RBFOX1: variants seen among roughly 807,000 people sequenced by gnomAD.
RBFOX1 encodes RNA binding fox-1 homolog 1, also known as RNA binding protein fox-1 homolog 1.
Under a neutral mutation model 57.7 loss-of-function variants are expected in RBFOX1, and 8 were observed. The observed-to-expected ratio is 0.14, with a 90% CI of 0.08 to 0.25. The LOEUF (loss-of-function observed/expected upper bound fraction) is 0.25. Among genes scored for constraint, RBFOX1 ranks in the 10% least tolerant of loss-of-function variants. RBFOX1 has a pLI of 1.00. For synonymous variants in RBFOX1, 326 were observed against 222.4 expected (o/e 1.47, Z -4.15); for missense variants, 611 against 548.5 (o/e 1.11, Z -1.14).
chr16:6,903,159 A>C (rs1243186045), intron 3 of RBFOX1, among the ~76,000 whole-genome samples: 2 of 152,148 alleles, frequency 1.3e-5, no homozygotes, highest in Non-Finnish European at 2.9e-5. Context: ...GAAGAAGGGG[A>C]GGAGCCTTTC....
chr16:7,266,771 G>GA (rs138797170), intron 4 of RBFOX1, among the ~76,000 whole-genome samples: 11 of 151,888 alleles, frequency 7.2e-5, no homozygotes, highest in African/African-American at 1.2e-4. Context: ...GCTACAAAGG[G>GA]AAAAAAAATA....
intron 3 of RBFOX1, among the ~76,000 whole-genome samples, chr16:6,999,544 A>C (rs569983294): frequency 2.2e-4 from 33 of 152,186 alleles, no homozygotes; most frequent in African/African-American, 7.7e-4. Context: ...ATTTCAAAAA[A>C]ACACAAAAGT....
At chr16:7,035,312 G>A (rs540291996) in intron 3 of RBFOX1, among the ~76,000 whole-genome samples, 1 of 152,184 alleles carries the variant, frequency 6.6e-6, no homozygotes, top group South Asian at 2.1e-4. Context: ...ATTTGACTGT[G>A]GTGCTGGCCC....
chr16:5,251,546 G>C (rs552390456), intron 1 of RBFOX1, among the ~76,000 whole-genome samples: 1 of 152,190 alleles, frequency 6.6e-6, no homozygotes, highest in Non-Finnish European at 1.5e-5. Context: ...AATGGCAGCA[G>C]AAACAGAGGA....
intron 14 of RBFOX1, among the ~76,000 whole-genome samples, chr16:7,707,727 A>G (rs529976328): frequency 6.6e-6 from 1 of 152,184 alleles, no homozygotes. Flanking sequence ...TGTAGGCATT[A>G]AAAAGCCAAC....
intron 1 of RBFOX1, among the ~76,000 whole-genome samples, chr16:5,353,974 G>A (rs2065325130): frequency 6.6e-6 from 1 of 152,080 alleles, no homozygotes; most frequent in Non-Finnish European, 1.5e-5. Context: ...ATGAACGGAG[G>A]GGCCACTAGC....
chr16:6,519,482 CCT>C, intron 2 of RBFOX1, among the ~76,000 whole-genome samples: 1 of 152,090 alleles, frequency 6.6e-6, no homozygotes, highest in African/African-American at 2.4e-5. Flanking sequence ...AGGAAGATCA[CCT>C]GAGGTCAAGA....
intron 1 of RBFOX1, among the ~76,000 whole-genome samples, chr16:5,339,470 G>GGTTTTTTTTTTTTTTTTTTTTTT (rs1567354925): frequency 4.9e-5 from 2 of 40,854 alleles, no homozygotes; most frequent in Non-Finnish European, 9.0e-5. Flanking sequence ...CTTTTTCCGT[G>GGTTTTTTTTTTTTTTTTTTTTTT]TTTTTTTTTT....
intron 1 of RBFOX1, chr16:5,366,051 G>C: frequency 2.1e-6 from 1 of 474,480 alleles, no homozygotes. Flanking sequence ...GTACAGCAAT[G>C]GTTTCCCTTG....
At chr16:6,049,237 T>C (rs952771120) in intron 1 of RBFOX1, among the ~76,000 whole-genome samples, 2 of 151,874 alleles carry the variant, frequency 1.3e-5, no homozygotes, top group African/African-American at 4.8e-5. Flanking sequence ...CTAATTTTTG[T>C]ATTTTTAGTA....
At chr16:5,719,444 T>C (rs1344426980) in intron 3 of RBFOX1, among the ~76,000 whole-genome samples, 3 of 151,528 alleles carry the variant, frequency 2.0e-5, no homozygotes, top group African/African-American at 7.3e-5. Flanking sequence ...TCTCCTGAGC[T>C]CGCGATCCGC....
At chr16:7,077,991 C>A (rs1028394822) in intron 4 of RBFOX1, among the ~76,000 whole-genome samples, 1 of 152,152 alleles carries the variant, frequency 6.6e-6, no homozygotes, top group African/African-American at 2.4e-5. Flanking sequence ...CTGAGTTACT[C>A]TGGGGCCCGG....
intron 1 of RBFOX1, among the ~76,000 whole-genome samples, chr16:6,239,811 A>G (rs981037103): frequency 7.2e-5 from 11 of 152,026 alleles, no homozygotes; most frequent in Non-Finnish European, 1.2e-4. Context: ...CCTGACTGTT[A>G]AAACATTTTC....
chr16:5,269,039 C>T (rs1467891240), intron 1 of RBFOX1, among the ~76,000 whole-genome samples: 3 of 152,304 alleles, frequency 2.0e-5, no homozygotes, highest in East Asian at 1.9e-4. Context: ...CTCAGCTTCC[C>T]GCGTAGCTGG....
intron 2 of RBFOX1, among the ~76,000 whole-genome samples, chr16:5,562,612 C>T (rs1383028331): frequency 3.3e-5 from 5 of 152,066 alleles, no homozygotes; most frequent in Admixed American, 3.3e-4. Context: ...AATGGGGTTC[C>T]TCCAACTTGT....
At chr16:5,454,954 CCTTCCTTTCTTTCTTTCTTTCTTTCTTT>C (rs2068573252) in intron 1 of RBFOX1, among the ~76,000 whole-genome samples, 11 of 40,430 alleles carry the variant, frequency 2.7e-4, no homozygotes, top group Admixed American at 1.9e-3. Context: ...TTCCTTCCTT[CCTTCCTTTCTTTCTTTCTTTCTTTCTTT>C]CTTTCTTTCT....
At chr16:6,205,621 G>A (rs1485260282) in intron 1 of RBFOX1, among the ~76,000 whole-genome samples, 1 of 151,998 alleles carries the variant, frequency 6.6e-6, no homozygotes, top group Admixed American at 6.6e-5. Context: ...GGCATTGACG[G>A]TAAAGGCTGT....
chr16:5,784,174 C>A (rs758347769), intron 3 of RBFOX1, among the ~76,000 whole-genome samples: 7 of 152,134 alleles, frequency 4.6e-5, no homozygotes, highest in Non-Finnish European at 8.8e-5. Context: ...ATAATCCCAG[C>A]ACTTTGGGAG....
chr16:7,293,974 C>G (rs913973150), intron 4 of RBFOX1, among the ~76,000 whole-genome samples: 1 of 152,092 alleles, frequency 6.6e-6, no homozygotes, highest in Non-Finnish European at 1.5e-5. Context: ...GTCAGAAATG[C>G]TTAATGACAA....
Sources: allele counts gnomAD v4.1 joint callset (sites outside exome capture counted in the v4.1 genomes callset), GRCh38; gene constraint gnomAD v4.1.1; transcripts MANE v1.5; gene names NCBI Gene and HGNC (gene_info 2026-07-23, HGNC 2026-07-21).